The following YIF1B variants were observed in gnomAD, a reference collection of about 807,000 sequenced individuals.
The protein encoded by YIF1B is protein YIF1B.
A neutral mutation model predicts 34.6 loss-of-function variants in YIF1B; 24 were observed. That is an observed-to-expected ratio of 0.69 (90% CI 0.50 to 0.98). The LOEUF is 0.98. Among genes scored for constraint, YIF1B ranks in the 50% least tolerant of loss-of-function variants. YIF1B has a pLI of 0.00. For missense variants in YIF1B, 368 were observed against 429.4 expected, an observed-to-expected ratio of 0.86 and a Z score of 1.26; for synonymous variants, 186 against 184.8, an observed-to-expected ratio of 1.01 and a Z score of -0.05.
chr19:38,307,333 T>C, intron 7 of YIF1B, 95 bp downstream of exon 7: 4 of 1,375,744 alleles, frequency 2.9e-6, no homozygotes, highest in Non-Finnish European at 1.0e-6. Flanking sequence ...AATGTGTCTC[T>C]GGTCTGAACC....
upstream of YIF1B, chr19:38,320,104 C>G (rs142888784): frequency 0.021 from 33,640 of 1,566,752 alleles, 500 homozygotes; most frequent in Non-Finnish European, 0.026. Context: ...TCAGCGCAGC[C>G]CGTGTGTGGC....
At chr19:38,312,522 G>A (rs534915504) in intron 1 of YIF1B, among the ~76,000 whole-genome samples, 4 of 152,258 alleles carry the variant, frequency 2.6e-5, no homozygotes, top group Non-Finnish European at 4.4e-5. Context: ...GGGAGGGCGG[G>A]ATTTGAACCC....
At chr19:38,307,866 T>C (rs1969131727) in intron 5 of YIF1B, 114 bp from the exon 6 acceptor site, 3 of 1,367,468 alleles carry the variant, frequency 2.2e-6, no homozygotes, top group South Asian at 1.4e-5. Context: ...GTGACCAAGA[T>C]GGATGTGCGC....
Position 38,307,482 on chromosome 19 carries a change from C to T in YIF1B, c.735G>A (p.Lys245=). ...AGCCCAGCACCAGGTAGTAGCCAAT[C>T]TTCCCGAAGAGCAGGCCCATGAGGA... The part of the protein sequence containing the change: ...GGVLMGLLFG[K]IGYYLVLGWC... Residue 245 remains lysine, a synonymous_variant, in exon 7 of 8, where the codon AAG becomes AAA. Transcript: ENST00000339413. 6.2e-7 allele frequency: 1 copy of T among 1,613,962 alleles called. No homozygotes were observed. Among genetic ancestry groups the T allele is most frequent in the Non-Finnish European group, 8.5e-7 (1 of 1,179,996 alleles).
chr19:38,305,258 G>C lies in YIF1B; in HGVS notation c.*94C>G. On this transcript the variant is annotated 3_prime_UTR_variant, in exon 8 of 8. Coordinates refer to ENST00000339413, the MANE Select transcript of YIF1B (RefSeq NM_001039672.3). ...TGGAGGCGGTGCCTGTGGCCAGACA[G>C]GGTGGACCTTGGGGCCTGCAGGCAG... 6.6e-7 allele frequency: 1 copy of C among 1,509,312 alleles called. No homozygotes were observed. The highest frequency in any genetic ancestry group is 8.9e-7 in the Non-Finnish European group (1 of 1,127,652). The allele number at this position is 1,509,312 out of a possible 1,614,324, so 93.5% of individuals were successfully genotyped here. A position where few individuals can be genotyped will look rare whatever the true frequency, so the allele number is the denominator to read the frequency against.
chr19:38,321,070 T>C (rs1209854596), upstream of YIF1B, among the ~76,000 whole-genome samples: 2 of 152,114 alleles, frequency 1.3e-5, no homozygotes, highest in African/African-American at 4.8e-5. Context: ...CTCCTGACCC[T>C]CCAGATATGT....
At position 38,309,013 on chromosome 19, in the gene YIF1B, G is replaced by C. The variant is rs748198964; in HGVS notation, c.447C>G (p.Arg149=). 6.7e-5 allele frequency: 106 copies of C among 1,573,966 alleles called. No individual in the cohort carries two copies. Among genetic ancestry groups the C allele is most frequent in the Non-Finnish European group, 9.0e-5 (104 of 1,158,358 alleles). The change falls in exon 4 of 8, where the codon CGC becomes CGG. Residue 149 remains arginine (R), a synonymous_variant. Coordinates refer to ENST00000339413, the MANE Select transcript of YIF1B (RefSeq NM_001039672.3). ...AGAGGTCCGGGGCATTGACGTCAAA[G>C]CGGGGGGCCACCGGGGTGTCCTGTT... The part of the protein sequence containing the change: ...QYQQDTPVAP[R]FDVNAPDLYI...
chr19:38,321,173 G>A (rs1481647501), upstream of YIF1B, among the ~76,000 whole-genome samples: 2 of 152,108 alleles, frequency 1.3e-5, no homozygotes, highest in Non-Finnish European at 1.5e-5. Context: ...ACCTCTCAGG[G>A]TGTCCTCACT....
chr19:38,319,998 G>C, upstream of YIF1B: 1 of 1,485,296 alleles, frequency 6.7e-7, no homozygotes, highest in Non-Finnish European at 8.9e-7. Flanking sequence ...CGTACGCCGC[G>C]TACCTGGTGC....
chr19:38,304,189 G>T lies in YIF1B; in HGVS notation c.*1163C>A. 6.3e-7 allele frequency: 1 copy of T among 1,582,934 alleles called. No homozygotes were observed. On this transcript the variant is annotated 3_prime_UTR_variant, in exon 8 of 8. Coordinates refer to ENST00000339413, the MANE Select transcript of YIF1B (RefSeq NM_001039672.3). The stretch of plus-strand genomic sequence containing the variant: ...ATTCCTCCAACGGGCAGGTCTCAGC[G>T]CTCCTCCCCCTGCTCCGCTCCTCTG...
chr19:38,309,528 G>C lies in YIF1B; in HGVS notation c.174C>G (p.Gly58=). 1 of 1,607,550 alleles carries C rather than the reference G, an allele frequency of 6.2e-7. No individual in the cohort carries two copies. The highest frequency in any genetic ancestry group is 8.5e-7 in the Non-Finnish European group (1 of 1,177,292). The change falls in exon 2 of 8, where the codon GGC becomes GGG. Residue 58 remains glycine (G), a synonymous_variant. Coordinates refer to ENST00000339413, the MANE Select transcript of YIF1B (RefSeq NM_001039672.3). ...RGYGAQRAPG[G]LSYPAASPTP... is the part of the protein sequence containing the mutation. The stretch of plus-strand genomic sequence containing the variant: ...TGGGAGAGGCTGCAGGATAACTCAG[G>C]CCACCAGGTGCCCGCTGGGCCCCAT...
chr19:38,309,025 C>T lies in YIF1B; in HGVS notation c.435G>A (p.Pro145=), dbSNP rs369335526. The stretch of plus-strand genomic sequence containing the variant: ...CATTGACGTCAAAGCGGGGGGCCAC[C>T]GGGGTGTCCTGTTGGTACTGCACTT... ...DWEVQYQQDT[P]VAPRFDVNAP... Residue 145 remains proline (P), a synonymous_variant, in exon 4 of 8, where the codon CCG becomes CCA. Transcript: ENST00000339413. The T allele has an allele frequency of 1.0e-5, 16 of 1,562,730 alleles. 1 individual carries two copies. The South Asian group carries it at 1.2e-4, about 12-fold the overall frequency.
intron 1 of YIF1B, among the ~76,000 whole-genome samples, chr19:38,311,977 A>T (rs918618106): frequency 7.3e-5 from 11 of 151,466 alleles, no homozygotes; most frequent in Admixed American, 1.3e-4. Context: ...CGTGCCTGTA[A>T]TCCCAGCTAC....
Position 38,303,699 on chromosome 19 carries a change from A to G in YIF1B, c.*1653T>C, listed in dbSNP as rs570884122. 6.6e-6 allele frequency among the ~76,000 whole-genome samples: 1 copy of G among 152,250 alleles called. No homozygotes were observed. The highest frequency in any genetic ancestry group is 6.5e-5 in the Admixed American group (1 of 15,282). On this transcript the variant is annotated 3_prime_UTR_variant, in exon 8 of 8. Transcript: ENST00000339413. ...GTAGCTGTTATTTACAGATGAGGAA[A>G]CTGAGGCACAGAGGTAAAACAACTT...
intron 1 of YIF1B, among the ~76,000 whole-genome samples, chr19:38,311,057 G>A (rs536224657): frequency 2.6e-5 from 4 of 152,046 alleles, no homozygotes; most frequent in African/African-American, 9.7e-5. Context: ...GTTAGAGTAG[G>A]CACTTGATAA....
chr19:38,311,612 A>G (rs1244644712), intron 1 of YIF1B, among the ~76,000 whole-genome samples: 1 of 151,982 alleles, frequency 6.6e-6, no homozygotes, highest in African/African-American at 2.4e-5. Context: ...AGTTTTTAAA[A>G]GGTCCCTGTG....
rs1372156697 is a variant in YIF1B, at chr19:38,309,650, G to C, written c.59-7C>G. 27 of 1,594,734 alleles carry C rather than the reference G, an allele frequency of 1.7e-5. No individual in the cohort carries two copies. The highest frequency in any genetic ancestry group is 4.0e-5 in the African/African-American group (3 of 74,786). On this transcript the variant is annotated splice_region_variant and splice_polypyrimidine_tract_variant and intron_variant, in intron 1 of 7. Coordinates refer to ENST00000339413, the MANE Select transcript of YIF1B (RefSeq NM_001039672.3). ...GGGATCCTCCGCTTCGAGGCTGCAA[G>C]GGAAGAGAGTGAGAAGGAGCTGGGG...
chr19:38,306,400 G>A (rs1969039645), intron 7 of YIF1B, among the ~76,000 whole-genome samples: 1 of 151,626 alleles, frequency 6.6e-6, no homozygotes, highest in Non-Finnish European at 1.5e-5. Context: ...TTTTAGAGAT[G>A]GGGTCTTGCT....
Position 38,305,523 on chromosome 19 carries a change from A to C in YIF1B, c.790-16T>G, listed in dbSNP as rs761267686. ...GCGTCCGGATCTGGGTGGGAAAGAG[A>C]GAGAGGAACCAAGGGATTTACCCTT... On this transcript the variant is annotated splice_polypyrimidine_tract_variant and intron_variant, in intron 7 of 7. Transcript: ENST00000339413. 6.3e-7 allele frequency: 1 copy of C among 1,592,044 alleles called. No individual in the cohort carries two copies. The highest frequency in any genetic ancestry group is 8.6e-7 in the Non-Finnish European group (1 of 1,163,780).
Sources: gnomAD v4.1 joint callset for allele counts (sites outside exome capture counted in the v4.1 genomes callset) on GRCh38, gnomAD v4.1.1 for gene constraint, MANE v1.5 for transcripts, NCBI Gene and HGNC (gene_info 2026-07-23, HGNC 2026-07-21) for gene names.